The following ADAMTS6 variants were observed in gnomAD, a reference collection of about 807,000 sequenced individuals.
ADAMTS6 encodes A disintegrin and metalloproteinase with thrombospondin motifs 6.
ADAMTS6 carries 23 observed loss-of-function variants against 144.3 expected under a neutral mutation model. The observed-to-expected ratio is 0.16, with a 90% CI of 0.11 to 0.23. The LOEUF (loss-of-function observed/expected upper bound fraction) is 0.23. Ranked by LOEUF, ADAMTS6 falls within the 10% of genes least tolerant of loss-of-function variation. The probability of loss-of-function intolerance (pLI) is 1.00; values close to 1 mark genes in which losing one functional copy is unlikely to be tolerated. For synonymous variants in ADAMTS6, 444 were observed against 457.5 expected (o/e 0.97, Z 0.38); for missense variants, 999 against 1,379.6 (o/e 0.72, Z 4.37).
At chr5:65,231,668 C>G (rs1400100140) in intron 15 of ADAMTS6, among the ~76,000 whole-genome samples, 2 of 152,078 alleles carry the variant, frequency 1.3e-5, no homozygotes. Flanking sequence ...GAAATCATAT[C>G]AAGTATTTTT....
intron 7 of ADAMTS6, among the ~76,000 whole-genome samples, chr5:65,379,389 G>C (rs968565561): frequency 2.0e-5 from 3 of 152,140 alleles, no homozygotes; most frequent in Non-Finnish European, 4.4e-5. Context: ...TTCTACATAT[G>C]TAAACACATA....
intron 15 of ADAMTS6, among the ~76,000 whole-genome samples, chr5:65,241,231 T>A (rs921092466): frequency 3.5e-5 from 5 of 143,940 alleles, no homozygotes; most frequent in Non-Finnish European, 7.6e-5. Flanking sequence ...TATTTCCTTT[T>A]TTTTTTTTTT....
At chr5:65,206,442 G>C (rs1419832343) in intron 20 of ADAMTS6, among the ~76,000 whole-genome samples, 1 of 152,096 alleles carries the variant, frequency 6.6e-6, no homozygotes, top group African/African-American at 2.4e-5. Context: ...ACATGTATAA[G>C]AATCCAGATG....
At chr5:65,173,980 C>A (rs1240612812) in intron 22 of ADAMTS6, among the ~76,000 whole-genome samples, 1 of 150,316 alleles carries the variant, frequency 6.7e-6, no homozygotes, top group African/African-American at 2.4e-5. Flanking sequence ...CGAGATTGCA[C>A]CACTGCACTC....
chr5:65,188,091 T>C lies in ADAMTS6; in HGVS notation c.2835A>G (p.Thr945=), dbSNP rs550863334. The C allele has an allele frequency of 5.6e-6, 9 of 1,614,032 alleles. No individual in the cohort carries two copies. Among genetic ancestry groups the C allele is most frequent in the Non-Finnish European group, 7.6e-6 (9 of 1,180,014 alleles). The change falls in exon 22 of 25, where the codon ACA becomes ACG. Residue 945 remains threonine, a synonymous_variant. Coordinates refer to ENST00000381055, the MANE Select transcript of ADAMTS6 (RefSeq NM_197941.4). ...AGGGCTCTTTTTCGACAGGCCGGTG[T>C]GTTAAACAACCACTGTAGTCCAGCG... is the stretch of plus-strand genomic sequence containing the variant. ...EETLDYSGCL[T]HRPVEKEPCN...
intron 4 of ADAMTS6, among the ~76,000 whole-genome samples, chr5:65,453,880 T>TA (rs11455923): frequency 0.39 from 59,308 of 152,026 alleles, 11,925 homozygotes; most frequent in South Asian, 0.44. Flanking sequence ...CTAACTTCTT[T>TA]AGCCTTTCTG....
At chr5:65,231,544 C>CA (rs571996402) in intron 15 of ADAMTS6, among the ~76,000 whole-genome samples, 81 of 152,082 alleles carry the variant, frequency 5.3e-4, no homozygotes, top group African/African-American at 1.7e-3. Context: ...AATAGACATA[C>CA]AAAAAATTCC....
In ADAMTS6 at chr5:65,151,775, C is replaced by T; in HGVS notation, c.*61G>A. On this transcript the variant is annotated 3_prime_UTR_variant, in exon 25 of 25. Transcript: ENST00000381055. ...ATCAATCCTCTTCCTCTGGGTGGCT[C>T]TCTTTGATGGATGCATTTCCATGAT... 2.7e-6 allele frequency: 4 copies of T among 1,459,438 alleles called. No homozygotes were observed. Among genetic ancestry groups the T allele is most frequent in the South Asian group, 1.2e-5 (1 of 85,290 alleles). The allele number at this position is 1,459,438 out of a possible 1,614,324, so 90.4% of individuals were successfully genotyped here. A position where few individuals can be genotyped will look rare whatever the true frequency, so the allele number is the denominator to read the frequency against.
chr5:65,190,289 CA>C (rs545587849), intron 21 of ADAMTS6, among the ~76,000 whole-genome samples: 25 of 151,934 alleles, frequency 1.6e-4, no homozygotes, highest in Non-Finnish European at 3.4e-4. Flanking sequence ...AGTCATTTTC[CA>C]AGGGAGATTT....
chr5:65,332,094 G>A lies in ADAMTS6; in HGVS notation c.1117+1948C>T, dbSNP rs181424020. Among the ~76,000 whole-genome samples, 10 of 151,506 alleles carry A rather than the reference G, an allele frequency of 6.6e-5. No homozygotes were observed. In the East Asian group the frequency reaches 1.9e-3, roughly 29 times the overall value. ...GCCAATAATGACAATCAAAGTACTA[G>A]GCAGTACTCAAAATACTTTATTTCT... On this transcript the variant is annotated intron_variant, in intron 8 of 24. Coordinates refer to ENST00000381055, the MANE Select transcript of ADAMTS6 (RefSeq NM_197941.4).
At chr5:65,231,849 C>A (rs1336154027) in intron 15 of ADAMTS6, among the ~76,000 whole-genome samples, 1 of 152,132 alleles carries the variant, frequency 6.6e-6, no homozygotes, top group Non-Finnish European at 1.5e-5. Context: ...GTGGCTCACA[C>A]CTGTAATCTC....
At chr5:65,280,896 T>C (rs570272565) in intron 11 of ADAMTS6, among the ~76,000 whole-genome samples, 1 of 152,300 alleles carries the variant, frequency 6.6e-6, no homozygotes, top group African/African-American at 2.4e-5. Context: ...ATTTCAGTTC[T>C]ATATACAGAA....
chr5:65,404,374 C>G (rs1473805056), intron 7 of ADAMTS6, among the ~76,000 whole-genome samples: 3 of 152,052 alleles, frequency 2.0e-5, no homozygotes, highest in Non-Finnish European at 4.4e-5. Context: ...CAATTGCCAC[C>G]TATGAGTGAG....
rs531018409 is a variant in ADAMTS6 at position 65,379,370 on chromosome 5, C to A, written c.1074-45285G>T. On this transcript the variant is annotated intron_variant, in intron 7 of 24. Transcript: ENST00000381055. ...AAGAGATACATGAAAGTTTGTAAGACCAAATAACTTCTACATATGTAAACA... is the reference window on the plus strand; with the variant it reads ...AAGAGATACATGAAAGTTTGTAAGAACAAATAACTTCTACATATGTAAACA... 5.3e-5 allele frequency among the ~76,000 whole-genome samples: 8 copies of A among 152,228 alleles called. No individual in the cohort carries two copies. In the East Asian group the frequency reaches 1.4e-3, roughly 26 times the overall value.
At chr5:65,390,119 GC>G (rs1278251952) in intron 7 of ADAMTS6, among the ~76,000 whole-genome samples, 1 of 151,908 alleles carries the variant, frequency 6.6e-6, no homozygotes, top group Non-Finnish European at 1.5e-5. Flanking sequence ...TTTATATATG[GC>G]CTGTCACTTT....
At chr5:65,235,578 AG>A (rs1758605624) in intron 15 of ADAMTS6, among the ~76,000 whole-genome samples, 1 of 152,256 alleles carries the variant, frequency 6.6e-6, no homozygotes, top group Admixed American at 6.5e-5. Context: ...GAATATAAGC[AG>A]GCAGAAAAAT....
intron 9 of ADAMTS6, among the ~76,000 whole-genome samples, chr5:65,300,789 G>A (rs549223177): frequency 4.6e-5 from 7 of 151,932 alleles, no homozygotes; most frequent in Admixed American, 3.9e-4. Flanking sequence ...CTGTCACCCC[G>A]CCTGGCTAAT....
At chr5:65,408,727 A>G (rs534209668) in intron 7 of ADAMTS6, among the ~76,000 whole-genome samples, 1 of 152,352 alleles carries the variant, frequency 6.6e-6, no homozygotes, top group South Asian at 2.1e-4. Context: ...CACTTATTCC[A>G]AAATTGACCA....
intron 20 of ADAMTS6, among the ~76,000 whole-genome samples, chr5:65,211,260 A>G (rs1191190558): frequency 6.6e-6 from 1 of 152,198 alleles, no homozygotes. Flanking sequence ...AACTTCAACA[A>G]TTGATTCCTG....
Sources: gnomAD v4.1 joint callset for allele counts (sites outside exome capture counted in the v4.1 genomes callset) on GRCh38, gnomAD v4.1.1 for gene constraint, MANE v1.5 for transcripts, NCBI Gene and HGNC (gene_info 2026-07-23, HGNC 2026-07-21) for gene names.